The following RP1 variants were observed in gnomAD, a reference collection of about 807,000 sequenced individuals.
RP1 encodes RP1 axonemal microtubule associated, also known as oxygen-regulated protein 1.
RP1 carries 16 observed loss-of-function variants against 14.8 expected under a neutral mutation model. The observed-to-expected ratio is 1.08, with a 90% CI of 0.73 to 1.65. The LOEUF (loss-of-function observed/expected upper bound fraction) is 1.65. RP1 is among the 40% of genes most tolerant of loss of function. The pLI, the probability that RP1 is intolerant of heterozygous loss-of-function variation, is 0.00. For synonymous variants in RP1, 876 were observed against 883.6 expected, an observed-to-expected ratio of 0.99 and a Z score of 0.15; for missense variants, 2,631 against 2,535.0, an observed-to-expected ratio of 1.04 and a Z score of -0.81.
At position 54,648,846 on chromosome 8, in the gene RP1, T is replaced by A. The variant is rs187357212; in HGVS notation, c.788-139T>A. Reference sequence around the variant, plus strand: ...TTTTAAATTCCAAATATAAATCTTCTGTTATGGCACTTTTTCAGAGGAGAT... The same window carrying A: ...TTTTAAATTCCAAATATAAATCTTCAGTTATGGCACTTTTTCAGAGGAGAT... On this transcript the variant is annotated intron_variant, in intron 3 of 22. Transcript: ENST00000636932. 5.7e-5 allele frequency: 29 copies of A among 505,084 alleles called. No individual in the cohort carries two copies. In the Admixed American group the frequency reaches 9.5e-4, roughly 17 times the overall value. The allele number at this position is 505,084 out of a possible 1,614,324, so 31.3% of individuals were successfully genotyped here.
chr8:54,848,729 C>A (rs1811988536), intron 25 of RP1, among the ~76,000 whole-genome samples: 1 of 152,026 alleles, frequency 6.6e-6, no homozygotes, highest in South Asian at 2.1e-4. Context: ...AGTTCTTTCC[C>A]AAGATGATAT....
intron 15 of RP1, among the ~76,000 whole-genome samples, chr8:54,716,208 A>G (rs1808399783): frequency 6.6e-6 from 1 of 152,168 alleles, no homozygotes; most frequent in South Asian, 2.1e-4. Flanking sequence ...TAATTTATCT[A>G]AAGTGCACTA....
chr8:54,652,843 T>C (rs1033753682), exon 5 of RP1: 29 of 1,535,556 alleles, frequency 1.9e-5, no homozygotes, highest in Non-Finnish European at 2.5e-5. Context: ...CTCTGGATCC[T>C]CCCCTTCCTG....
chr8:54,741,705 G>GTATA (rs1473570105), intron 19 of RP1, among the ~76,000 whole-genome samples: 198 of 75,834 alleles, frequency 2.6e-3, no homozygotes, highest in African/African-American at 6.8e-3. Flanking sequence ...ACAAATGTGT[G>GTATA]TGTATATATA....
intron 15 of RP1, among the ~76,000 whole-genome samples, chr8:54,718,798 A>T (rs906845041): frequency 6.6e-6 from 1 of 152,310 alleles, no homozygotes. Flanking sequence ...AAAGCTATAG[A>T]CACAGTAAAA....
rs1028301151 is a variant in RP1 at position 54,625,387 on chromosome 8, C to T, written c.1505C>T (p.Thr502Ile). 10 of 1,613,912 alleles carry T rather than the reference C, an allele frequency of 6.2e-6. No homozygotes were observed. The highest frequency in any genetic ancestry group is 8.5e-6 in the Non-Finnish European group (10 of 1,180,030). Residue 502 changes from threonine to isoleucine, a missense_variant, in exon 4 of 4, where the codon ACA becomes ATA. By Grantham distance (89) the Thr-to-Ile change is moderately conservative (BLOSUM62 -1). Coordinates refer to ENST00000220676, the MANE Select transcript of RP1 (RefSeq NM_006269.2). ...GENKSEYHMF[T>I]HSCSKMSSVS... The stretch of plus-strand genomic sequence containing the variant: ...AACAAGTCTGAGTATCACATGTTTA[C>T]ACATTCTTGCAGTAAAATGTCATCA...
chr8:54,710,046 C>T (rs71517592), intron 15 of RP1, among the ~76,000 whole-genome samples: 1,732 of 152,238 alleles, frequency 0.011, 11 homozygotes, highest in African/African-American at 0.021. Flanking sequence ...CAGGCCCTGA[C>T]GCCTAACCCT....
intron 17 of RP1, among the ~76,000 whole-genome samples, chr8:54,730,027 T>C (rs1808754955): frequency 6.6e-6 from 1 of 152,064 alleles, no homozygotes; most frequent in Non-Finnish European, 1.5e-5. Context: ...AAAGGTAGTG[T>C]AAGTTTTCGT....
intron 1 of RP1, among the ~76,000 whole-genome samples, chr8:54,578,589 C>A (rs917263282): frequency 3.3e-5 from 5 of 152,152 alleles, no homozygotes; most frequent in African/African-American, 1.2e-4. Flanking sequence ...TATTTCATTT[C>A]TTTTGCCTCT....
At chr8:54,664,036 A>G (rs1004012147) in intron 7 of RP1, among the ~76,000 whole-genome samples, 1 of 152,186 alleles carries the variant, frequency 6.6e-6, no homozygotes, top group African/African-American at 2.4e-5. Context: ...TCTAATAATT[A>G]ACAACTCCCC....
intron 24 of RP1, among the ~76,000 whole-genome samples, chr8:54,816,692 T>C (rs1811139122): frequency 6.6e-6 from 1 of 152,224 alleles, no homozygotes; most frequent in African/African-American, 2.4e-5. Context: ...GCCATCCTTC[T>C]TTTGCAGAAC....
chr8:54,806,381 T>C (rs2129391225), intron 24 of RP1, among the ~76,000 whole-genome samples: 1 of 152,216 alleles, frequency 6.6e-6, no homozygotes, highest in Middle Eastern at 3.4e-3. Context: ...CCTTTCAGTG[T>C]GGAATCATGG....
chr8:54,646,046 A>G (rs1473306729), intron 3 of RP1, among the ~76,000 whole-genome samples: 1 of 151,964 alleles, frequency 6.6e-6, no homozygotes, highest in Non-Finnish European at 1.5e-5. Context: ...TTTCAAATCG[A>G]GGCCTAGTGG....
chr8:54,565,621 A>T (rs1010627712), intron 1 of RP1, among the ~76,000 whole-genome samples: 1 of 152,060 alleles, frequency 6.6e-6, no homozygotes, highest in Non-Finnish European at 1.5e-5. Context: ...GATGAGAGAA[A>T]ATCCACAAAG....
chr8:54,754,770 A>G lies in RP1; in HGVS notation c.2809-33A>G, dbSNP rs774155741. On this transcript the variant is annotated intron_variant, in intron 19 of 22. Transcript: ENST00000636932. ...CAAGTTCTTTGAGAAATTGGAGATGACACAATTTGGTCATTTTTTCTTCTA... is the reference window on the plus strand; with the variant it reads ...CAAGTTCTTTGAGAAATTGGAGATGGCACAATTTGGTCATTTTTTCTTCTA... 38 of 1,476,008 alleles carry G rather than the reference A, an allele frequency of 2.6e-5. No individual in the cohort carries two copies. In the Middle Eastern group the frequency reaches 1.0e-3, roughly 41 times the overall value. The allele number at this position is 1,476,008 out of a possible 1,614,324, so 91.4% of individuals were successfully genotyped here. A position where few individuals can be genotyped will look rare whatever the true frequency, so the allele number is the denominator to read the frequency against.
chr8:54,661,301 T>TATGATATATCAATGATATATAC (rs1806890674), intron 6 of RP1, among the ~76,000 whole-genome samples: 3 of 122,504 alleles, frequency 2.4e-5, no homozygotes, highest in Admixed American at 1.6e-4. Context: ...ATGATATATA[T>TATGATATATCAATGATATATAC]ATGAGATATA....
At chr8:54,659,009 T>C (rs1447326695) in intron 6 of RP1, among the ~76,000 whole-genome samples, 1 of 152,194 alleles carries the variant, frequency 6.6e-6, no homozygotes, top group Non-Finnish European at 1.5e-5. Flanking sequence ...AGGCCATTTG[T>C]ATATATTCTT....
intron 1 of RP1, among the ~76,000 whole-genome samples, chr8:54,584,886 A>G (rs1165300413): frequency 6.6e-6 from 1 of 152,106 alleles, no homozygotes; most frequent in African/African-American, 2.4e-5. Context: ...TTTTGAGCCT[A>G]TGTGTGTCTC....
intron 18 of RP1, among the ~76,000 whole-genome samples, chr8:54,736,218 T>A (rs1339746549): frequency 1.3e-5 from 2 of 152,202 alleles, no homozygotes; most frequent in Non-Finnish European, 2.9e-5. Flanking sequence ...ACTATCTTTA[T>A]GTATAGAATA....
Sources: gnomAD v4.1 joint callset for allele counts (sites outside exome capture counted in the v4.1 genomes callset) on GRCh38, gnomAD v4.1.1 for gene constraint, MANE v1.5 for transcripts, NCBI Gene and HGNC (gene_info 2026-07-23, HGNC 2026-07-21) for gene names.